DENND5B: variants seen among roughly 807,000 people sequenced by gnomAD.
DENND5B encodes the protein DENN domain-containing protein 5B.
Under a neutral mutation model 140.6 loss-of-function variants are expected in DENND5B, and 34 were observed. That is an observed-to-expected ratio of 0.24 (90% CI 0.18 to 0.32). The LOEUF (loss-of-function observed/expected upper bound fraction) is 0.32. Among genes scored for constraint, DENND5B ranks in the 10% least tolerant of loss-of-function variants. The pLI is 1.00. For missense variants in DENND5B, 1,142 were observed against 1,560.2 expected (o/e 0.73, Z 4.52); for synonymous variants, 551 against 562.1 (o/e 0.98, Z 0.28).
chr12:31,580,823 A>T (rs1253578881), intron 1 of DENND5B, among the ~76,000 whole-genome samples: 2 of 152,170 alleles, frequency 1.3e-5, no homozygotes, highest in Non-Finnish European at 2.9e-5. Flanking sequence ...ATCCACACAT[A>T]GGCCAGGCAT....
chr12:31,484,059 G>A lies in DENND5B; in HGVS notation c.238-3804C>T, dbSNP rs147884630. Among the ~76,000 whole-genome samples the A allele has an allele frequency of 9.5e-3, 1,447 of 151,624 alleles. 26 individuals carry two copies. Among genetic ancestry groups the A allele is most frequent in the African/African-American group, 0.033 (1,369 of 41,318 alleles). On this transcript the variant is annotated intron_variant, in intron 2 of 20. Coordinates refer to ENST00000389082, the MANE Select transcript of DENND5B (RefSeq NM_144973.4). ...GTAGAGACGGGGTTTCACCATTTTT[G>A]GCCAGGCTGGTCTCAAACTCCTGAC...
At chr12:31,567,525 TAAAAAAAAAAA>T (rs35048750) in intron 1 of DENND5B, among the ~76,000 whole-genome samples, 4 of 91,746 alleles carry the variant, frequency 4.4e-5, no homozygotes, top group African/African-American at 1.3e-4. Flanking sequence ...AGACTCTGTC[TAAAAAAAAAAA>T]AAAAAAAAAA....
intron 1 of DENND5B, among the ~76,000 whole-genome samples, chr12:31,542,416 A>T (rs1195727962): frequency 6.6e-6 from 1 of 152,202 alleles, no homozygotes; most frequent in African/African-American, 2.4e-5. Flanking sequence ...GCACAAAAAA[A>T]CAGAATGAAT....
intron 3 of DENND5B, chr12:31,465,799 A>T (rs974182544): frequency 6.6e-6 from 1 of 152,338 alleles, no homozygotes; most frequent in South Asian, 2.1e-4. Flanking sequence ...TAGAAAATGA[A>T]AGGCACAGCC....
chr12:31,457,652 C>G (rs1944832744), intron 4 of DENND5B, among the ~76,000 whole-genome samples: 2 of 151,964 alleles, frequency 1.3e-5, no homozygotes, highest in Non-Finnish European at 2.9e-5. Context: ...GGCTGTTAGC[C>G]TTTTCTTATA....
chr12:31,499,506 G>T, intron 1 of DENND5B: 1 of 970,424 alleles, frequency 1.0e-6, no homozygotes, highest in South Asian at 3.2e-5. Context: ...CTACAAGTCT[G>T]ACCAAGCAAA....
chr12:31,411,537 G>T (rs1309597514), intron 13 of DENND5B, among the ~76,000 whole-genome samples: 1 of 151,558 alleles, frequency 6.6e-6, no homozygotes, highest in Non-Finnish European at 1.5e-5. Flanking sequence ...TAGAGACGGG[G>T]TTTCACCATG....
chr12:31,587,799 G>A (rs1950449467), intron 1 of DENND5B, among the ~76,000 whole-genome samples: 1 of 151,916 alleles, frequency 6.6e-6, no homozygotes, highest in Admixed American at 6.5e-5. Context: ...CACCTGCCTC[G>A]GCCTTCCAAA....
chr12:31,428,496 G>A (rs1049739454), intron 8 of DENND5B, among the ~76,000 whole-genome samples: 4 of 151,956 alleles, frequency 2.6e-5, no homozygotes, highest in Admixed American at 6.6e-5. Context: ...CTGCCTCCCA[G>A]GTGCAAGCAA....
intron 1 of DENND5B, among the ~76,000 whole-genome samples, chr12:31,522,213 T>C (rs902808688): frequency 6.6e-6 from 1 of 152,202 alleles, no homozygotes; most frequent in African/African-American, 2.4e-5. Flanking sequence ...TAAACACCTC[T>C]AAACGCTGAT....
chr12:31,469,332 CAAAA>C (rs572719010), intron 3 of DENND5B, among the ~76,000 whole-genome samples: 1 of 106,082 alleles, frequency 9.4e-6, no homozygotes. Flanking sequence ...GACTCCATCT[CAAAA>C]AAAAAAAAAA....
chr12:31,487,341 C>T (rs80083041), intron 2 of DENND5B, among the ~76,000 whole-genome samples: 3,120 of 152,202 alleles, frequency 0.02, 56 homozygotes, highest in South Asian at 0.052. Flanking sequence ...AATAATTCTA[C>T]GTTCACATTA....
At chr12:31,531,344 C>T (rs760442174) in intron 1 of DENND5B, among the ~76,000 whole-genome samples, 1 of 152,190 alleles carries the variant, frequency 6.6e-6, no homozygotes, top group East Asian at 1.9e-4. Flanking sequence ...GGATTACAGG[C>T]GCATGCCACT....
At chr12:31,408,673 C>T (rs1942273838) in intron 14 of DENND5B, among the ~76,000 whole-genome samples, 2 of 149,908 alleles carry the variant, frequency 1.3e-5, no homozygotes, top group South Asian at 4.2e-4. Context: ...GCATTTCCTT[C>T]CAAAGTTGAA....
At chr12:31,425,459 A>C (rs1423716209) in intron 9 of DENND5B, among the ~76,000 whole-genome samples, 1 of 152,230 alleles carries the variant, frequency 6.6e-6, no homozygotes, top group East Asian at 1.9e-4. Flanking sequence ...TTAGGTAAAA[A>C]CCAGAATACA....
intron 1 of DENND5B, among the ~76,000 whole-genome samples, chr12:31,569,473 T>G (rs1949742506): frequency 6.6e-6 from 1 of 152,154 alleles, no homozygotes; most frequent in African/African-American, 2.4e-5. Context: ...CCCCCTTACA[T>G]TATTTTGTGA....
In DENND5B at chr12:31,456,320, AC is replaced by A. The variant is rs1456043191; in HGVS notation, c.1093-3845del. ...ACTCCAGCCTGGGCAACAGAGTGAG[AC>A]TCCGTCTCAAAAAAAAAAAAAAAAA... On this transcript the variant is annotated intron_variant, in intron 4 of 20. Transcript: ENST00000389082. 4.6e-5 allele frequency among the ~76,000 whole-genome samples: 5 copies of A among 108,856 alleles called. No homozygotes were observed. In the Admixed American group the frequency reaches 5.3e-4, roughly 12 times the overall value. 71.4% of individuals were successfully genotyped at this position (108,856 alleles called of 152,430 possible). A position where few individuals can be genotyped will look rare whatever the true frequency, so the allele number is the denominator to read the frequency against.
chr12:31,581,674 C>G (rs1200023926), intron 1 of DENND5B, among the ~76,000 whole-genome samples: 1 of 109,910 alleles, frequency 9.1e-6, no homozygotes, highest in Non-Finnish European at 1.8e-5. Context: ...GCCTGGGCAA[C>G]AACAGGGAAA....
At chr12:31,562,332 G>A (rs905207794) in intron 1 of DENND5B, among the ~76,000 whole-genome samples, 5 of 152,220 alleles carry the variant, frequency 3.3e-5, no homozygotes, top group Admixed American at 1.3e-4. Flanking sequence ...TAAATGGGCC[G>A]GGCGCAGCAG....
Sources: allele counts gnomAD v4.1 joint callset (sites outside exome capture counted in the v4.1 genomes callset), GRCh38; gene constraint gnomAD v4.1.1; transcripts MANE v1.5; gene names NCBI Gene and HGNC (gene_info 2026-07-23, HGNC 2026-07-21).